Variants in GALNT13 observed in about 807,000 individuals in gnomAD.
GALNT13 encodes the protein polypeptide N-acetylgalactosaminyltransferase 13, also known as UDP-GalNAc:polypeptide N-acetylgalactosaminyltransferase 13.
In GALNT13, 28 loss-of-function variants were observed where a neutral mutation model predicts 64.2. The ratio of observed to expected loss-of-function variants is 0.44; its 90% CI spans 0.32 to 0.60. GALNT13 has a LOEUF of 0.60. Among genes scored for constraint, GALNT13 ranks in the 20% least tolerant of loss-of-function variants. The pLI, the probability that GALNT13 is intolerant of heterozygous loss-of-function variation, is 0.05. For synonymous variants in GALNT13, 214 were observed against 224.6 expected, an observed-to-expected ratio of 0.95 and a Z score of 0.42; for missense variants, 577 against 669.8, an observed-to-expected ratio of 0.86 and a Z score of 1.53.
At chr2:154,225,174 A>ATAGT (rs1238399870) in intron 4 of GALNT13, among the ~76,000 whole-genome samples, 1 of 151,752 alleles carries the variant, frequency 6.6e-6, no homozygotes, top group African/African-American at 2.4e-5. Context: ...AGATAGATAG[A>ATAGT]TAGATAGATA....
the GALNT13 span, among the ~76,000 whole-genome samples, chr2:153,765,906 C>T: frequency 2.0e-5 from 3 of 152,176 alleles, no homozygotes; most frequent in African/African-American, 4.8e-5. Flanking sequence ...TTGCCTGCCA[C>T]CACGTAAGAT....
chr2:154,448,199 A>T (rs1682155023), intron 12 of GALNT13, among the ~76,000 whole-genome samples: 1 of 152,016 alleles, frequency 6.6e-6, no homozygotes, highest in Non-Finnish European at 1.5e-5. Context: ...AAAAGCCCGA[A>T]GTTTGCTTTT....
chr2:153,089,014 G>C, the GALNT13 span, among the ~76,000 whole-genome samples: 9 of 151,874 alleles, frequency 5.9e-5, no homozygotes, highest in African/African-American at 1.7e-4. Context: ...TTGTTATGCT[G>C]GTTGTTGCCT....
At chr2:153,984,142 G>A (rs1694645581) in intron 3 of GALNT13, among the ~76,000 whole-genome samples, 2 of 151,488 alleles carry the variant, frequency 1.3e-5, no homozygotes, top group African/African-American at 4.8e-5. Context: ...AAACTACATT[G>A]TCATCATGGA....
At chr2:153,909,170 G>T (rs974248696) in intron 2 of GALNT13, among the ~76,000 whole-genome samples, 2 of 151,950 alleles carry the variant, frequency 1.3e-5, no homozygotes, top group Non-Finnish European at 2.9e-5. Context: ...GAATGGGATT[G>T]CTTTCCTGAC....
chr2:153,585,563 A>T, the GALNT13 span, among the ~76,000 whole-genome samples: 4 of 152,222 alleles, frequency 2.6e-5, no homozygotes, highest in Non-Finnish European at 5.9e-5. Context: ...AGACATCTAC[A>T]TACAGGGAGC....
At chr2:154,028,329 G>A (rs1698117090) in intron 3 of GALNT13, among the ~76,000 whole-genome samples, 1 of 152,052 alleles carries the variant, frequency 6.6e-6, no homozygotes. Context: ...ACAAGGCCAT[G>A]AATATTATTT....
At chr2:153,100,528 T>C in the GALNT13 span, among the ~76,000 whole-genome samples, 1 of 152,226 alleles carries the variant, frequency 6.6e-6, no homozygotes, top group African/African-American at 2.4e-5. Flanking sequence ...TTACTCTCCT[T>C]AAATGTGACC....
chr2:154,339,035 A>G (rs1695610432), intron 9 of GALNT13, among the ~76,000 whole-genome samples: 1 of 152,166 alleles, frequency 6.6e-6, no homozygotes, highest in South Asian at 2.1e-4. Flanking sequence ...ACCAAAGACA[A>G]TACGGTTGTA....
chr2:153,703,541 C>T, the GALNT13 span, among the ~76,000 whole-genome samples: 1 of 151,942 alleles, frequency 6.6e-6, no homozygotes, highest in Non-Finnish European at 1.5e-5. Context: ...ATTTTTCCTG[C>T]CTTCCTTTCT....
chr2:153,609,830 A>G, the GALNT13 span, among the ~76,000 whole-genome samples: 1 of 152,198 alleles, frequency 6.6e-6, no homozygotes, highest in African/African-American at 2.4e-5. Context: ...GATTCAAACC[A>G]GCTGGAGTCT....
chr2:154,135,422 A>C (rs1286652681), intron 3 of GALNT13, among the ~76,000 whole-genome samples: 1 of 152,164 alleles, frequency 6.6e-6, no homozygotes, highest in Non-Finnish European at 1.5e-5. Flanking sequence ...GGGGCTTGCT[A>C]TTTACAACTT....
intron 3 of GALNT13, among the ~76,000 whole-genome samples, chr2:154,039,369 T>A (rs966735613): frequency 7.1e-6 from 1 of 140,168 alleles, no homozygotes; most frequent in African/African-American, 2.4e-5. Flanking sequence ...TAAGTACTCC[T>A]CAACAGATAA....
the GALNT13 span, among the ~76,000 whole-genome samples, chr2:153,750,310 GT>G: frequency 6.6e-6 from 1 of 151,734 alleles, no homozygotes; most frequent in African/African-American, 2.4e-5. Flanking sequence ...TGTTTGTCTG[GT>G]TTTGGTATCA....
the GALNT13 span, among the ~76,000 whole-genome samples, chr2:153,648,373 G>A: frequency 2.0e-5 from 3 of 152,070 alleles, no homozygotes; most frequent in East Asian, 1.9e-4. Flanking sequence ...GGGCTGAGAC[G>A]ATGGCATTTT....
the GALNT13 span, among the ~76,000 whole-genome samples, chr2:153,198,757 G>C: frequency 6.6e-6 from 1 of 152,080 alleles, no homozygotes; most frequent in Non-Finnish European, 1.5e-5. Context: ...GACAGATCAG[G>C]GATAATGAAA....
At chr2:153,160,553 A>T in the GALNT13 span, among the ~76,000 whole-genome samples, 1 of 152,218 alleles carries the variant, frequency 6.6e-6, no homozygotes, top group Non-Finnish European at 1.5e-5. Flanking sequence ...GATTGAATGT[A>T]GGTCATGAAC....
intron 3 of GALNT13, among the ~76,000 whole-genome samples, chr2:154,077,848 A>AT (rs1180865667): frequency 6.6e-6 from 1 of 151,492 alleles, no homozygotes; most frequent in African/African-American, 2.4e-5. Flanking sequence ...GTTACACAGC[A>AT]TTTTTTTAAA....
chr2:153,444,808 A>T, the GALNT13 span, among the ~76,000 whole-genome samples: 1 of 152,108 alleles, frequency 6.6e-6, no homozygotes, highest in South Asian at 2.1e-4. Context: ...CATTATAGGT[A>T]TGTAAGTTCT....
Sources: gnomAD v4.1 joint callset for allele counts (sites outside exome capture counted in the v4.1 genomes callset) on GRCh38, gnomAD v4.1.1 for gene constraint, MANE v1.5 for transcripts, NCBI Gene and HGNC (gene_info 2026-07-23, HGNC 2026-07-21) for gene names.